Variants in HAT1 observed in about 807,000 individuals in gnomAD.
HAT1 encodes histone acetyltransferase type B catalytic subunit.
In HAT1, 20 loss-of-function variants were observed where a neutral mutation model predicts 56.6. That is an observed-to-expected ratio of 0.35 (90% CI 0.25 to 0.51). HAT1 has a LOEUF of 0.51. Among genes scored for constraint, HAT1 ranks in the 20% least tolerant of loss-of-function variants. The pLI is 0.95. For missense variants in HAT1, 408 were observed against 504.3 expected (o/e 0.81, Z 1.83); for synonymous variants, 146 against 165.5 (o/e 0.88, Z 0.91).
chr2:171,933,317 C>T (rs1167953369), intron 2 of HAT1, among the ~76,000 whole-genome samples: 1 of 152,106 alleles, frequency 6.6e-6, no homozygotes, highest in African/African-American at 2.4e-5. Context: ...CCTTGGCCTC[C>T]CAAAGTGTTA....
At chr2:171,962,112 T>TA (rs567938676) in intron 4 of HAT1, among the ~76,000 whole-genome samples, 2 of 151,946 alleles carry the variant, frequency 1.3e-5, no homozygotes, top group Non-Finnish European at 2.9e-5. Context: ...ATATAAACAT[T>TA]AAAAAAATAG....
intron 4 of HAT1, 110 bp downstream of exon 4, chr2:171,953,111 A>C (rs748827989): frequency 3.4e-4 from 185 of 550,430 alleles, no homozygotes; most frequent in Non-Finnish European, 5.1e-4. Context: ...TTGGGGGACC[A>C]AGGGGGGCAG....
At chr2:171,953,626 TAAAAAAAAAAAAAAA>T (rs587686867) in intron 4 of HAT1, among the ~76,000 whole-genome samples, 2 of 84,610 alleles carry the variant, frequency 2.4e-5, no homozygotes, top group Admixed American at 1.6e-4. Flanking sequence ...CCCTGTCTCT[TAAAAAAAAAAAAAAA>T]AAAAAAAAAA....
intron 4 of HAT1, chr2:171,964,988 CAT>C (rs1345741799): frequency 5.9e-6 from 1 of 168,780 alleles, no homozygotes; most frequent in African/African-American, 2.4e-5. Context: ...TTCTTTGACA[CAT>C]ATAAAATAAT....
chr2:171,934,597 G>A (rs894244922), intron 2 of HAT1, among the ~76,000 whole-genome samples: 8 of 152,202 alleles, frequency 5.3e-5, no homozygotes, highest in Admixed American at 1.3e-4. Flanking sequence ...ATCTAGGTGA[G>A]TGGGAGGAGT....
chr2:171,974,188 A>C (rs1383731093), intron 8 of HAT1, among the ~76,000 whole-genome samples: 1 of 106,116 alleles, frequency 9.4e-6, no homozygotes, highest in South Asian at 3.3e-4. Context: ...AAAAAAAAAA[A>C]AAAAGAAAAA....
Position 171,983,633 on chromosome 2 carries a change from G to A in HAT1, c.*281G>A. ...AAATGCTTAGTTGTGATATGTTAAT[G>A]TGTGATGATATGATTCTTAAATACT... On this transcript the variant is annotated 3_prime_UTR_variant, in exon 11 of 11. Coordinates refer to ENST00000264108, the MANE Select transcript of HAT1 (RefSeq NM_003642.4). 4.2e-6 allele frequency: 1 copy of A among 236,876 alleles called. No homozygotes were observed. Among genetic ancestry groups the A allele is most frequent in the Non-Finnish European group, 8.1e-6 (1 of 123,880 alleles). 14.7% of individuals were successfully genotyped at this position (236,876 alleles called of 1,614,324 possible). A position where few individuals can be genotyped will look rare whatever the true frequency, so the allele number is the denominator to read the frequency against.
chr2:171,982,721 A>T (rs531754330), intron 10 of HAT1, among the ~76,000 whole-genome samples: 6 of 152,216 alleles, frequency 3.9e-5, no homozygotes, highest in Non-Finnish European at 5.9e-5. Flanking sequence ...CATTTCTAAC[A>T]GTTTATGTTA....
chr2:171,975,580 G>C (rs1687940507), intron 8 of HAT1, among the ~76,000 whole-genome samples: 1 of 152,094 alleles, frequency 6.6e-6, no homozygotes, highest in East Asian at 1.9e-4. Context: ...TTTACTTTTT[G>C]AGTCATTTTG....
At chr2:171,972,258 T>C (rs2105341052) in intron 8 of HAT1, among the ~76,000 whole-genome samples, 1 of 151,658 alleles carries the variant, frequency 6.6e-6, no homozygotes, top group Middle Eastern at 3.4e-3. Context: ...TTTTTTTTGT[T>C]TTTTGGTGAG....
intron 4 of HAT1, 98 bp downstream of exon 4, chr2:171,953,099 G>A: frequency 3.1e-6 from 2 of 651,006 alleles, no homozygotes; most frequent in Non-Finnish European, 4.8e-6. Context: ...AACCCCAGCA[G>A]TTTGGGGGAC....
chr2:171,930,540 C>A (rs1232081630), intron 2 of HAT1, among the ~76,000 whole-genome samples: 2 of 152,236 alleles, frequency 1.3e-5, no homozygotes, highest in African/African-American at 4.8e-5. Flanking sequence ...TATGCATGGA[C>A]ACACAATGGC....
rs1190498905 is a variant in HAT1 at position 171,966,902 on chromosome 2, C to T, written c.776C>T (p.Thr259Ile). The T allele has an allele frequency of 6.3e-7, 1 of 1,591,468 alleles. No homozygotes were observed. The highest frequency in any genetic ancestry group is 2.2e-5 in the East Asian group (1 of 44,680). Residue 259 changes from threonine (T) to isoleucine (I), a missense_variant, in exon 8 of 11, where the codon ACA (threonine) becomes ATA (isoleucine). By Grantham distance (89) the Thr-to-Ile change is moderately conservative. Coordinates refer to ENST00000264108, the MANE Select transcript of HAT1 (RefSeq NM_003642.4). ...GGCCATGGTGCTCAACTTCTTGAAA[C>T]AGTTCATAGATACTACACTGAATTT... Reference protein sequence around the residue: ...GQGHGAQLLETVHRYYTEFPT... With the variant: ...GQGHGAQLLEIVHRYYTEFPT...
chr2:171,962,090 G>A (rs1687589910), intron 4 of HAT1, among the ~76,000 whole-genome samples: 1 of 151,744 alleles, frequency 6.6e-6, no homozygotes, highest in African/African-American at 2.4e-5. Context: ...TTTCAAATGT[G>A]TATAAATACA....
intron 5 of HAT1, 29 bp from the exon 6 acceptor site, chr2:171,965,758 C>T: frequency 6.2e-7 from 1 of 1,607,868 alleles, no homozygotes; most frequent in Non-Finnish European, 8.5e-7. Context: ...TGATGAGTTT[C>T]ACCTGACTTT....
intron 2 of HAT1, among the ~76,000 whole-genome samples, chr2:171,930,783 T>A (rs1036642315): frequency 5.5e-5 from 8 of 145,706 alleles, no homozygotes; most frequent in Non-Finnish European, 7.6e-5. Flanking sequence ...CTTGGCAAAA[T>A]TTTTTTTTTT....
intron 8 of HAT1, among the ~76,000 whole-genome samples, chr2:171,972,496 C>A (rs1687842788): frequency 6.6e-6 from 1 of 152,208 alleles, no homozygotes; most frequent in African/African-American, 2.4e-5. Flanking sequence ...AACTCCAGGG[C>A]TCCAGCTGTC....
At position 171,969,964 on chromosome 2, in the gene HAT1, C is replaced by A. The variant is rs572542245; in HGVS notation, c.823+3015C>A. 3.9e-5 allele frequency among the ~76,000 whole-genome samples: 6 copies of A among 152,034 alleles called. No homozygotes were observed. The South Asian group carries it at 1.2e-3, about 32-fold the overall frequency. ...CTCAGGGGTTCAAGACCAGCCTGGGCAACATAGGGAGATTCCCGTCTCTAT... is the reference window on the plus strand; with the variant it reads ...CTCAGGGGTTCAAGACCAGCCTGGGAAACATAGGGAGATTCCCGTCTCTAT... On this transcript the variant is annotated intron_variant, in intron 8 of 10. Coordinates refer to ENST00000264108, the MANE Select transcript of HAT1 (RefSeq NM_003642.4).
In HAT1 at chr2:171,983,452, A is replaced by G. The variant is rs541124995; in HGVS notation, c.*100A>G. On this transcript the variant is annotated 3_prime_UTR_variant, in exon 11 of 11. Transcript: ENST00000264108. ...TTTAAAATCTTGTGACATTTTGCTTATACTAAAAGTTATCTATCTTTAGTT... is the reference window on the plus strand; with the variant it reads ...TTTAAAATCTTGTGACATTTTGCTTGTACTAAAAGTTATCTATCTTTAGTT... 1 of 561,240 alleles carries G rather than the reference A, an allele frequency of 1.8e-6. No homozygotes were observed. Among genetic ancestry groups the G allele is most frequent in the African/African-American group, 1.9e-5 (1 of 51,964 alleles). The allele number at this position is 561,240 out of a possible 1,614,324, so 34.8% of individuals were successfully genotyped here. A position where few individuals can be genotyped will look rare whatever the true frequency, so the allele number is the denominator to read the frequency against.
Sources: gnomAD v4.1 joint callset for allele counts (sites outside exome capture counted in the v4.1 genomes callset) on GRCh38, gnomAD v4.1.1 for gene constraint, MANE v1.5 for transcripts, NCBI Gene and HGNC (gene_info 2026-07-23, HGNC 2026-07-21) for gene names.